The following NXPE2 variants were observed in gnomAD, a reference collection of about 807,000 sequenced individuals.
The protein encoded by NXPE2 is neurexophilin and PC-esterase domain family member 2.
NXPE2 carries 34 observed loss-of-function variants against 34.4 expected under a neutral mutation model. The observed-to-expected ratio is 0.99, with a 90% CI of 0.75 to 1.31. The LOEUF (loss-of-function observed/expected upper bound fraction) is 1.31. NXPE2 is among the 40% of genes most tolerant of loss of function. The pLI is 0.00. For synonymous variants in NXPE2, 235 were observed against 231.3 expected (o/e 1.02, Z -0.15); for missense variants, 649 against 672.5 (o/e 0.97, Z 0.39).
the NXPE2 span, among the ~76,000 whole-genome samples, chr11:114,518,815 T>C: frequency 6.6e-6 from 1 of 152,230 alleles, no homozygotes; most frequent in Non-Finnish European, 1.5e-5. Flanking sequence ...TGCACTTATA[T>C]TGGATACAAG....
the NXPE2 span, among the ~76,000 whole-genome samples, chr11:114,501,777 T>G: frequency 3.3e-5 from 5 of 152,142 alleles, no homozygotes; most frequent in South Asian, 2.1e-4. Flanking sequence ...AGAGACTTAG[T>G]ATCTCAACGT....
chr11:114,595,859 G>A, the NXPE2 span: 4 of 152,410 alleles, frequency 2.6e-5, no homozygotes, highest in African/African-American at 9.6e-5. Context: ...AGCAGAGGTA[G>A]GAAGGAGAAA....
At chr11:114,496,317 C>A in the NXPE2 span, among the ~76,000 whole-genome samples, 4 of 152,170 alleles carry the variant, frequency 2.6e-5, no homozygotes, top group African/African-American at 9.7e-5. Context: ...CTATGTCCCA[C>A]AATCACTGTG....
chr11:114,501,392 A>G, the NXPE2 span, among the ~76,000 whole-genome samples: 1 of 152,260 alleles, frequency 6.6e-6, no homozygotes, highest in Admixed American at 6.5e-5. Flanking sequence ...ATTTCAGTGT[A>G]CAGAATCAAC....
the NXPE2 span, among the ~76,000 whole-genome samples, chr11:114,746,658 T>C: frequency 6.6e-6 from 1 of 152,114 alleles, no homozygotes; most frequent in Admixed American, 6.5e-5. Flanking sequence ...GAGACCATCC[T>C]GGCTAACACG....
At chr11:114,570,846 G>A in the NXPE2 span, 1 of 831,648 alleles carries the variant, frequency 1.2e-6, no homozygotes. Flanking sequence ...TTGCTAGTTG[G>A]GAATTCAGAG....
At chr11:114,597,152 T>C in the NXPE2 span, among the ~76,000 whole-genome samples, 6 of 152,150 alleles carry the variant, frequency 3.9e-5, no homozygotes, top group Admixed American at 3.9e-4. Flanking sequence ...ATTGTAACCC[T>C]GGTATAACCA....
the NXPE2 span, chr11:114,583,728 C>A: frequency 1.9e-6 from 1 of 537,366 alleles, no homozygotes; most frequent in South Asian, 1.5e-5. Flanking sequence ...ACAATCTGGG[C>A]CACCTTGGAA....
the NXPE2 span, among the ~76,000 whole-genome samples, chr11:114,794,599 CAT>C: frequency 6.6e-6 from 1 of 152,138 alleles, no homozygotes; most frequent in Non-Finnish European, 1.5e-5. Context: ...TCAGATGAAA[CAT>C]AGAAGTTTGG....
At chr11:114,697,059 C>G (rs2135557934) in intron 2 of NXPE2, among the ~76,000 whole-genome samples, 1 of 152,274 alleles carries the variant, frequency 6.6e-6, no homozygotes, top group Non-Finnish European at 1.5e-5. Context: ...GTCTTTCTCT[C>G]TCTCAAAATA....
At chr11:114,702,356 C>G (rs183543746) in intron 3 of NXPE2, among the ~76,000 whole-genome samples, 81 of 152,016 alleles carry the variant, frequency 5.3e-4, no homozygotes, top group Middle Eastern at 6.8e-3. Context: ...CTTTGGTAAC[C>G]AAATTTACAA....
At chr11:114,784,166 TTC>T in the NXPE2 span, among the ~76,000 whole-genome samples, 1 of 152,158 alleles carries the variant, frequency 6.6e-6, no homozygotes, top group Non-Finnish European at 1.5e-5. Context: ...TGTAGATAGG[TTC>T]TCTCAGCTCC....
chr11:114,758,068 T>C, the NXPE2 span, among the ~76,000 whole-genome samples: 1 of 152,220 alleles, frequency 6.6e-6, no homozygotes, highest in East Asian at 1.9e-4. Flanking sequence ...CCTCCCAGCC[T>C]CCACAGGTGT....
chr11:114,639,621 T>A, the NXPE2 span, among the ~76,000 whole-genome samples: 119 of 147,688 alleles, frequency 8.1e-4, 1 homozygote, highest in Middle Eastern at 7.1e-3. Flanking sequence ...CTGCCCCACC[T>A]ATGTAACATA....
At chr11:114,655,283 A>C in the NXPE2 span, among the ~76,000 whole-genome samples, 1 of 152,004 alleles carries the variant, frequency 6.6e-6, no homozygotes, top group African/African-American at 2.4e-5. Context: ...TTGCTTGTTC[A>C]CTCTGATGAT....
the NXPE2 span, chr11:114,527,959 G>T: frequency 7.6e-7 from 1 of 1,307,996 alleles, no homozygotes; most frequent in Non-Finnish European, 1.1e-6. Flanking sequence ...TAACACAGGT[G>T]AATCATCTGC....
chr11:114,593,424 T>C, the NXPE2 span, among the ~76,000 whole-genome samples: 1 of 152,118 alleles, frequency 6.6e-6, no homozygotes, highest in Non-Finnish European at 1.5e-5. Flanking sequence ...TATGAAAAGG[T>C]GCTCAACATC....
At chr11:114,725,643 T>C in the NXPE2 span, among the ~76,000 whole-genome samples, 1 of 152,024 alleles carries the variant, frequency 6.6e-6, no homozygotes, top group Admixed American at 6.6e-5. Flanking sequence ...CCCCACCCTC[T>C]GGTTGAGATC....
At chr11:114,633,693 CTA>C in the NXPE2 span, among the ~76,000 whole-genome samples, 3 of 151,412 alleles carry the variant, frequency 2.0e-5, no homozygotes, top group Non-Finnish European at 4.4e-5. Context: ...CAATTCCCAC[CTA>C]TGAGTGAGAA....
Sources: allele counts gnomAD v4.1 joint callset (sites outside exome capture counted in the v4.1 genomes callset), GRCh38; gene constraint gnomAD v4.1.1; transcripts MANE v1.5; gene names NCBI Gene and HGNC (gene_info 2026-07-23, HGNC 2026-07-21).